The following SETD2 variants were observed in gnomAD, a reference collection of about 807,000 sequenced individuals.
The protein encoded by SETD2 is SET domain containing 2, histone lysine methyltransferase.
SETD2 carries 31 observed loss-of-function variants against 242.1 expected under a neutral mutation model. The observed-to-expected ratio is 0.13, with a 90% CI of 0.10 to 0.17. The LOEUF (loss-of-function observed/expected upper bound fraction) is 0.17, where lower values mean the gene tolerates loss of function less well. Among genes scored for constraint, SETD2 ranks in the 10% least tolerant of loss-of-function variants. SETD2 has a pLI of 1.00. For missense variants in SETD2, 2,481 were observed against 3,046.3 expected, an observed-to-expected ratio of 0.81 and a Z score of 4.37; for synonymous variants, 1,006 against 1,066.5, an observed-to-expected ratio of 0.94 and a Z score of 1.11.
chr3:47,057,652 C>G (rs1284583819), intron 14 of SETD2, among the ~76,000 whole-genome samples, 162 bp from the exon 15 acceptor site: 1 of 152,146 alleles, frequency 6.6e-6, no homozygotes, highest in Admixed American at 6.5e-5. Context: ...TTGTCTTGCA[C>G]ACAGAACAGA....
At chr3:47,037,420 TG>T (rs1244495333) in intron 18 of SETD2, among the ~76,000 whole-genome samples, 1 of 151,744 alleles carries the variant, frequency 6.6e-6, no homozygotes, top group Non-Finnish European at 1.5e-5. Flanking sequence ...CTGAGAATGA[TG>T]ATTTCCAGTT....
At chr3:47,157,460 C>T in intron 1 of SETD2, 1 of 455,966 alleles carries the variant, frequency 2.2e-6, no homozygotes, top group South Asian at 1.5e-5. Context: ...CTCATTTGAA[C>T]ATGCTGAAAT....
rs587778667 is a variant in SETD2, at chr3:47,019,839, G to A, written c.7352C>T (p.Ala2451Val). 6.8e-6 allele frequency: 11 copies of A among 1,613,504 alleles called. No homozygotes were observed. The highest frequency in any genetic ancestry group is 8.5e-6 in the Non-Finnish European group (10 of 1,179,588). Residue 2451 changes from alanine to valine, a missense_variant and splice_region_variant, in exon 19 of 21, where the codon GCC (alanine) becomes GTC (valine). Physicochemically the swap from Ala to Val is moderately conservative, Grantham distance 64. Transcript: ENST00000409792. ...TTCTGCTGTCTTGGGCTTTTTCGAG[G>A]CCTAAAAATGGAGGAGAAAACACAG... is the stretch of plus-strand genomic sequence containing the variant. ...TPTYDENPMK[A>V]SKKPKTAEAD...
At chr3:47,088,047 A>G in intron 10 of SETD2, 66 bp downstream of exon 10, 1 of 1,441,350 alleles carries the variant, frequency 6.9e-7, no homozygotes, top group East Asian at 2.3e-5. Flanking sequence ...TTCCTTCTTC[A>G]TTCATCTTCA....
rs777512115 is a variant in SETD2, at chr3:47,123,031, A to C, written c.1605T>G (p.Asn535Lys). ...EAIKRCCSPP[N>K]ELGFRRGSSY... is the part of the protein sequence containing the mutation. The stretch of plus-strand genomic sequence containing the variant: ...ATGACCCTCGTCGGAATCCCAGTTC[A>C]TTAGGGGGAGAACAACATCTTTTAA... Residue 535 changes from asparagine to lysine, a missense_variant, in exon 3 of 21, where the codon AAT (asparagine) becomes AAG (lysine). By Grantham distance (94) the Asn-to-Lys change is moderately conservative (BLOSUM62 0). Coordinates refer to ENST00000409792, the MANE Select transcript of SETD2 (RefSeq NM_014159.7). The C allele has an allele frequency of 6.8e-6, 11 of 1,614,140 alleles. No homozygotes were observed. Among genetic ancestry groups the C allele is most frequent in the Non-Finnish European group, 8.5e-6 (10 of 1,179,972 alleles).
intron 1 of SETD2, among the ~76,000 whole-genome samples, chr3:47,146,883 T>C (rs2043867898): frequency 6.7e-6 from 1 of 150,342 alleles, no homozygotes; most frequent in Non-Finnish European, 1.5e-5. Context: ...AAAACTGCAG[T>C]GAGCCAGGTT....
Position 47,142,772 on chromosome 3 carries a change from A to T in SETD2, c.72-16109T>A, listed in dbSNP as rs539606778. 5.3e-5 allele frequency among the ~76,000 whole-genome samples: 8 copies of T among 151,878 alleles called. No homozygotes were observed. In the East Asian group the frequency reaches 1.6e-3, roughly 30 times the overall value. On this transcript the variant is annotated intron_variant, in intron 1 of 20. Coordinates refer to ENST00000409792, the MANE Select transcript of SETD2 (RefSeq NM_014159.7). ...AACCTCCGCCTCCCAGGTTCAAGCA[A>T]TTCTCCTGCCTCAGCCTTCTGAGTA...
At chr3:47,127,250 T>C (rs952980763) in intron 1 of SETD2, among the ~76,000 whole-genome samples, 1 of 151,052 alleles carries the variant, frequency 6.6e-6, no homozygotes, top group African/African-American at 2.4e-5. Flanking sequence ...CCCAGCTACC[T>C]GGGAGGCTGA....
chr3:47,055,410 T>G (rs2040012994), intron 15 of SETD2, among the ~76,000 whole-genome samples: 1 of 152,158 alleles, frequency 6.6e-6, no homozygotes, highest in Non-Finnish European at 1.5e-5. Flanking sequence ...TTTCAAAGCT[T>G]TAAATGTACT....
chr3:47,163,765 G>C (rs1386371651), intron 1 of SETD2, 89 bp downstream of exon 1: 4 of 1,121,134 alleles, frequency 3.6e-6, no homozygotes, highest in South Asian at 4.4e-5. Context: ...TCCTCGCGCC[G>C]GCCCGCGCCG....
At chr3:47,157,524 T>C (rs1238717528) in intron 1 of SETD2, 3 of 455,966 alleles carry the variant, frequency 6.6e-6, no homozygotes, top group African/African-American at 4.0e-5. Flanking sequence ...TTTCACATCA[T>C]GGCGCCTCAT....
At chr3:47,091,988 G>T (rs1027769780) in intron 9 of SETD2, among the ~76,000 whole-genome samples, 1 of 151,804 alleles carries the variant, frequency 6.6e-6, no homozygotes, top group Admixed American at 6.6e-5. Flanking sequence ...TTAAAATTAG[G>T]CATGTTATGA....
In SETD2 at chr3:47,122,908, T is replaced by A. The variant is rs142972567; in HGVS notation, c.1728A>T (p.Thr576=). ...ACTGTTTGATTTCTTCATTTAATTC[T>A]GTACAACAGAAAGAATTTTTAAATT... is the stretch of plus-strand genomic sequence containing the variant. The part of the protein sequence containing the change: ...SDKFKNSFCC[T]ELNEEIKQSH... The change falls in exon 3 of 21, where the codon ACA becomes ACT. Residue 576 remains threonine (T), a synonymous_variant. Transcript: ENST00000409792. 6.2e-7 allele frequency: 1 copy of A among 1,610,294 alleles called. No homozygotes were observed. The highest frequency in any genetic ancestry group is 8.5e-7 in the Non-Finnish European group (1 of 1,178,644).
At position 47,155,724 on chromosome 3, in the gene SETD2, T is replaced by C. The variant is rs529295666; in HGVS notation, c.71+8130A>G. On this transcript the variant is annotated intron_variant, in intron 1 of 20. Transcript: ENST00000409792. ...AGGACACTGAGGTGGGAGGATCGCT[T>C]GAGCCTCAGAGGCAGAGGTTGCAGT... 5.3e-5 allele frequency among the ~76,000 whole-genome samples: 8 copies of C among 152,282 alleles called. No homozygotes were observed. In the East Asian group the frequency reaches 1.5e-3, roughly 29 times the overall value.
intron 1 of SETD2, among the ~76,000 whole-genome samples, chr3:47,128,884 T>C (rs1176472804): frequency 6.6e-6 from 1 of 152,190 alleles, no homozygotes; most frequent in Non-Finnish European, 1.5e-5. Context: ...TTAGTACCAT[T>C]TGAAATTTTT....
chr3:47,144,113 C>T (rs2043797974), intron 1 of SETD2, among the ~76,000 whole-genome samples: 1 of 152,210 alleles, frequency 6.6e-6, no homozygotes, highest in African/African-American at 2.4e-5. Context: ...AAACAGCTCA[C>T]TTGAGGAGGC....
Position 47,121,214 on chromosome 3 carries a change from G to A in SETD2, c.3422C>T (p.Pro1141Leu), listed in dbSNP as rs142723093. Residue 1141 changes from proline to leucine, a missense_variant, in exon 3 of 21, where the codon CCG (proline) becomes CTG (leucine). By Grantham distance (98) the Pro-to-Leu change is moderately conservative. Around this residue, in one of 17 missense-constraint regions of SETD2, gnomAD observed 1,300 missense variants for 1,259.2 expected, o/e 1.03. Coordinates refer to ENST00000409792, the MANE Select transcript of SETD2 (RefSeq NM_014159.7). ...FFLHKGTEKN[P>L]EISFTQSSRK... ...ACTGGACTGTGTAAAAGAAATTTCC[G>A]GATTCTTCTCTGTTCCTTTATGAAG... 1.0e-3 allele frequency: 1,649 copies of A among 1,613,986 alleles called. 1 individual carries two copies. The highest frequency in any genetic ancestry group is 1.3e-3 in the Non-Finnish European group (1,495 of 1,179,966).
chr3:47,047,819 G>A (rs1388578465), intron 15 of SETD2, among the ~76,000 whole-genome samples: 1 of 152,168 alleles, frequency 6.6e-6, no homozygotes, highest in Non-Finnish European at 1.5e-5. Context: ...TGCTTAACAA[G>A]GGGGGTACAT....
chr3:47,066,878 A>C, intron 13 of SETD2, 192 bp downstream of exon 13: 1 of 500,144 alleles, frequency 2.0e-6, no homozygotes, highest in Non-Finnish European at 3.5e-6. Flanking sequence ...AGTGTAAGAG[A>C]CATTTCCTTT....
Sources: gnomAD v4.1 joint callset for allele counts (sites outside exome capture counted in the v4.1 genomes callset) on GRCh38, gnomAD v4.1.1 for gene constraint, gnomAD v4.1.1 regional missense constraint, MANE v1.5 for transcripts, NCBI Gene and HGNC (gene_info 2026-07-23, HGNC 2026-07-21) for gene names.